Variants in ATR observed in about 807,000 individuals in gnomAD.
The protein encoded by ATR is ATR checkpoint kinase, also known as serine/threonine-protein kinase ATR.
ATR carries 142 observed loss-of-function variants against 305.3 expected under a neutral mutation model. The observed-to-expected ratio is 0.47, with a 90% CI of 0.41 to 0.53. ATR has a LOEUF of 0.53. Ranked by LOEUF, ATR falls within the 20% of genes least tolerant of loss-of-function variation. The pLI is 0.00. For missense variants in ATR, 2,135 were observed against 3,133.1 expected, an observed-to-expected ratio of 0.68 and a Z score of 7.60; for synonymous variants, 1,050 against 1,068.1, an observed-to-expected ratio of 0.98 and a Z score of 0.33.
rs1304175834 is a variant in ATR at position 142,507,973 on chromosome 3, T to A, written c.4989A>T (p.Thr1663=). ...RAVMHFESFI[T]EKKQNIQEHL... The stretch of plus-strand genomic sequence containing the variant: ...GTTCCTGAATATTTTGCTTCTTTTC[T>A]GTAATAAATGATTCAAAGTGCATTA... Residue 1663 remains threonine (T), a synonymous_variant, in exon 28 of 47, where the codon ACA becomes ACT. Coordinates refer to ENST00000350721, the MANE Select transcript of ATR (RefSeq NM_001184.4). 1 of 1,613,552 alleles carries A rather than the reference T, an allele frequency of 6.2e-7. No individual in the cohort carries two copies. The highest frequency in any genetic ancestry group is 1.7e-5 in the Admixed American group (1 of 59,988).
chr3:142,470,904 T>C (rs1221369435), intron 36 of ATR, among the ~76,000 whole-genome samples: 1 of 152,164 alleles, frequency 6.6e-6, no homozygotes, highest in Non-Finnish European at 1.5e-5. Flanking sequence ...CATCAGTTTA[T>C]TTTCAAAAGA....
At chr3:142,496,338 G>GTATATATATATAC (rs2031643516) in intron 34 of ATR, 23 bp downstream of exon 34, 2 of 837,022 alleles carry the variant, frequency 2.4e-6, no homozygotes, top group African/African-American at 5.1e-5. Flanking sequence ...ATATATATAT[G>GTATATATATATAC]ATGACATTTC....
At chr3:142,518,531 T>C (rs2033007078) in intron 24 of ATR, among the ~76,000 whole-genome samples, 1 of 151,950 alleles carries the variant, frequency 6.6e-6, no homozygotes, top group African/African-American at 2.4e-5. Context: ...ATAATAATAA[T>C]AACAGTAATA....
At chr3:142,471,642 G>A (rs2071270059) in intron 36 of ATR, among the ~76,000 whole-genome samples, 1 of 152,154 alleles carries the variant, frequency 6.6e-6, no homozygotes, top group African/African-American at 2.4e-5. Context: ...AATAAAAATT[G>A]TGTATATTTA....
chr3:142,466,754 T>C (rs1191703648), intron 39 of ATR, among the ~76,000 whole-genome samples: 1 of 152,132 alleles, frequency 6.6e-6, no homozygotes, highest in Non-Finnish European at 1.5e-5. Context: ...AGGCCTATAA[T>C]CTATTATCAA....
intron 30 of ATR, among the ~76,000 whole-genome samples, chr3:142,501,436 C>G (rs889465364): frequency 9.9e-5 from 15 of 152,132 alleles, no homozygotes; most frequent in Non-Finnish European, 2.1e-4. Flanking sequence ...ACCATCTGAC[C>G]AACAGTGAAC....
At chr3:142,557,433 TAG>T (rs1262521156) in intron 8 of ATR, among the ~76,000 whole-genome samples, 1 of 152,204 alleles carries the variant, frequency 6.6e-6, no homozygotes, top group Non-Finnish European at 1.5e-5. Context: ...AAATAAAAAC[TAG>T]AGTTACCCAT....
chr3:142,550,221 CTT>C lies in ATR; in HGVS notation c.2885_2886del (p.Gln962ArgfsTer15). On this transcript the variant is annotated frameshift_variant, in exon 14 of 47. Coordinates refer to ENST00000350721, the MANE Select transcript of ATR (RefSeq NM_001184.4). LOFTEE classifies it high-confidence loss of function. The part of the protein sequence containing the change: ...TPCQNADVRK[Q>X]DVAHQREMAL... ...GCCATTTCTCTCTGGTGAGCCACATCTTGTTTTCGCACGTCAGCATTCTGGCA... is the reference window on the plus strand; with the variant it reads ...GCCATTTCTCTCTGGTGAGCCACATCGTTTTCGCACGTCAGCATTCTGGCA... 1 of 1,614,190 alleles carries C rather than the reference CTT, an allele frequency of 6.2e-7. No homozygotes were observed. The highest frequency in any genetic ancestry group is 8.5e-7 in the Non-Finnish European group (1 of 1,180,022).
intron 21 of ATR, among the ~76,000 whole-genome samples, chr3:142,528,503 A>G (rs1378199429): frequency 1.3e-5 from 2 of 152,098 alleles, no homozygotes; most frequent in African/African-American, 4.8e-5. Flanking sequence ...TTGGTGGCAG[A>G]ATGAGAATTC....
intron 36 of ATR, among the ~76,000 whole-genome samples, chr3:142,478,127 G>T (rs1409072466): frequency 6.6e-6 from 1 of 152,088 alleles, no homozygotes; most frequent in Non-Finnish European, 1.5e-5. Flanking sequence ...CTTGCCTTCT[G>T]CCAGCTTTTG....
chr3:142,575,275 C>A (rs541602429), intron 1 of ATR, among the ~76,000 whole-genome samples: 7 of 152,098 alleles, frequency 4.6e-5, no homozygotes, highest in South Asian at 2.1e-4. Flanking sequence ...CACTTGAGGT[C>A]AGGAGTTGGA....
chr3:142,460,179 T>C (rs1364159007), intron 42 of ATR, among the ~76,000 whole-genome samples: 1 of 152,102 alleles, frequency 6.6e-6, no homozygotes, highest in Non-Finnish European at 1.5e-5. Flanking sequence ...AAAATAGGGA[T>C]GGATAATCAG....
intron 45 of ATR, among the ~76,000 whole-genome samples, chr3:142,456,576 GAA>G (rs913832949): frequency 7.2e-6 from 1 of 138,738 alleles, no homozygotes; most frequent in Non-Finnish European, 1.6e-5. Context: ...TGTCTCAAAG[GAA>G]AAAAAAAAAG....
At chr3:142,499,541 G>C in intron 31 of ATR, 86 bp downstream of exon 31, 1 of 1,220,254 alleles carries the variant, frequency 8.2e-7, no homozygotes, top group Admixed American at 1.7e-5. Context: ...TGATCCGCCC[G>C]CCTCAGCCGC....
At chr3:142,482,242 T>A (rs2030557571) in intron 36 of ATR, among the ~76,000 whole-genome samples, 1 of 152,222 alleles carries the variant, frequency 6.6e-6, no homozygotes, top group South Asian at 2.1e-4. Flanking sequence ...TGATATTTAA[T>A]CAGTAATAAC....
At chr3:142,457,862 C>T (rs1005346483) in intron 44 of ATR, 107 bp from the exon 45 acceptor site, 1 of 1,234,678 alleles carries the variant, frequency 8.1e-7, no homozygotes, top group Non-Finnish European at 1.1e-6. Context: ...AAAATACCCT[C>T]AAAATATTTA....
intron 40 of ATR, among the ~76,000 whole-genome samples, chr3:142,466,108 G>A (rs746837056): frequency 2.1e-4 from 32 of 151,630 alleles, no homozygotes; most frequent in Non-Finnish European, 3.8e-4. Flanking sequence ...AAATCAAAAC[G>A]TTACGGTGAA....
chr3:142,479,002 C>T (rs2030189299), intron 36 of ATR, among the ~76,000 whole-genome samples: 1 of 152,110 alleles, frequency 6.6e-6, no homozygotes, highest in African/African-American at 2.4e-5. Flanking sequence ...TGAGATGGGT[C>T]TCCTGAATAC....
intron 23 of ATR, among the ~76,000 whole-genome samples, chr3:142,521,972 A>G (rs904649658): frequency 5.3e-5 from 8 of 152,352 alleles, no homozygotes; most frequent in African/African-American, 1.9e-4. Flanking sequence ...GGAAAATGGT[A>G]TCAAACAGCA....
Sources: allele counts gnomAD v4.1 joint callset (sites outside exome capture counted in the v4.1 genomes callset), GRCh38; gene constraint gnomAD v4.1.1; transcripts MANE v1.5; gene names NCBI Gene and HGNC (gene_info 2026-07-23, HGNC 2026-07-21).